Variants in SYT17 observed in about 807,000 individuals in gnomAD.
SYT17 encodes synaptotagmin-17.
In SYT17, 22 loss-of-function variants were observed where a neutral mutation model predicts 46.7. That is an observed-to-expected ratio of 0.47 (90% confidence interval 0.34 to 0.67). SYT17 has a LOEUF of 0.67. SYT17 is among the 30% of genes least tolerant of loss of function. The pLI, the probability that SYT17 is intolerant of heterozygous loss-of-function variation, is 0.01. For synonymous variants in SYT17, 251 were observed against 248.4 expected (o/e 1.01, Z -0.10); for missense variants, 519 against 612.8 (o/e 0.85, Z 1.62).
intron 5 of SYT17, among the ~76,000 whole-genome samples, chr16:19,190,326 G>A (rs759878470): frequency 5.9e-5 from 9 of 152,132 alleles, no homozygotes; most frequent in South Asian, 2.1e-4. Flanking sequence ...AGCTGATATC[G>A]TGCCATTGCA....
chr16:19,199,163 G>A (rs146188374), intron 5 of SYT17, among the ~76,000 whole-genome samples: 18 of 152,258 alleles, frequency 1.2e-4, no homozygotes, highest in South Asian at 8.3e-4. Flanking sequence ...GACTCTCATC[G>A]TAGTGTAATA....
At position 19,239,681 on chromosome 16, in the gene SYT17, C is replaced by T. The variant is rs532834319; in HGVS notation, c.1228+14843C>T. ...ACGCTATGACATAGTGTTACGAGAT[C>T]ATTGAGGGTGTTGCTTTTCTGGCCG... On this transcript the variant is annotated intron_variant, in intron 7 of 7. Coordinates refer to ENST00000355377, the MANE Select transcript of SYT17 (RefSeq NM_016524.4). Among the ~76,000 whole-genome samples, 21 of 152,290 alleles carry T rather than the reference C, an allele frequency of 1.4e-4. No individual in the cohort carries two copies. The East Asian group carries it at 4.0e-3, about 29-fold the overall frequency.
At chr16:19,172,463 C>G (rs1054039672) in intron 1 of SYT17, 5 of 1,452,290 alleles carry the variant, frequency 3.4e-6, no homozygotes, top group African/African-American at 1.4e-5. Flanking sequence ...TCTATCCGCC[C>G]GCTCTGATTC....
At position 19,187,103 on chromosome 16, in the gene SYT17, C is replaced by T. The variant is rs545288345; in HGVS notation, c.951+2956C>T. Among the ~76,000 whole-genome samples, 13 of 152,302 alleles carry T rather than the reference C, an allele frequency of 8.5e-5. No individual in the cohort carries two copies. The East Asian group carries it at 2.3e-3, about 27-fold the overall frequency. Reference sequence around the variant, plus strand: ...AGGCTGGAATGCAGTGGTGCAATCACAGCTCACTGCAGCCCCAAACTCCTG... The same window carrying T: ...AGGCTGGAATGCAGTGGTGCAATCATAGCTCACTGCAGCCCCAAACTCCTG... On this transcript the variant is annotated intron_variant, in intron 5 of 7. Coordinates refer to ENST00000355377, the MANE Select transcript of SYT17 (RefSeq NM_016524.4).
At chr16:19,198,296 A>G (rs1408427117) in intron 5 of SYT17, among the ~76,000 whole-genome samples, 1 of 152,194 alleles carries the variant, frequency 6.6e-6, no homozygotes, top group East Asian at 1.9e-4. Context: ...GTTGGCAGTC[A>G]GACTTAGTCG....
intron 3 of SYT17, among the ~76,000 whole-genome samples, chr16:19,176,519 T>C (rs757557905): frequency 5.3e-5 from 8 of 152,250 alleles, no homozygotes; most frequent in East Asian, 1.9e-4. Flanking sequence ...ACCATTGTTA[T>C]GCAGAAGCAG....
intron 7 of SYT17, among the ~76,000 whole-genome samples, chr16:19,238,292 A>T (rs551100085): frequency 1.3e-5 from 2 of 152,360 alleles, no homozygotes; most frequent in East Asian, 3.9e-4. Flanking sequence ...GGACAAAAGG[A>T]AATAATGTAT....
intron 5 of SYT17, among the ~76,000 whole-genome samples, chr16:19,222,454 G>A (rs1966355479): frequency 6.6e-6 from 1 of 152,176 alleles, no homozygotes. Context: ...GGATGTCACT[G>A]TGCCGAGTGT....
chr16:19,194,130 G>T (rs1238594459), intron 5 of SYT17, among the ~76,000 whole-genome samples: 4 of 152,136 alleles, frequency 2.6e-5, no homozygotes. Context: ...AGATGAATAA[G>T]AACATTGGCT....
intron 7 of SYT17, among the ~76,000 whole-genome samples, chr16:19,230,702 CAG>C (rs1966649946): frequency 6.6e-6 from 1 of 152,148 alleles, no homozygotes; most frequent in African/African-American, 2.4e-5. Context: ...AGTTAGGAAC[CAG>C]ACCTTTAGCT....
chr16:19,192,314 G>A (rs1405028266), intron 5 of SYT17, among the ~76,000 whole-genome samples: 2 of 152,062 alleles, frequency 1.3e-5, no homozygotes, highest in African/African-American at 2.4e-5. Flanking sequence ...CTGGCTACTC[G>A]GGAAGCTGAG....
chr16:19,180,625 T>C, intron 4 of SYT17, 86 bp downstream of exon 4: 1 of 1,540,218 alleles, frequency 6.5e-7, no homozygotes, highest in East Asian at 2.3e-5. Context: ...GGCAGTGTTA[T>C]TGCTGGGGGA....
intron 7 of SYT17, among the ~76,000 whole-genome samples, chr16:19,234,943 G>T (rs1490761471): frequency 1.3e-5 from 2 of 152,190 alleles, no homozygotes; most frequent in Non-Finnish European, 2.9e-5. Flanking sequence ...CCAGTGGTAT[G>T]ATGTCTGGGA....
At chr16:19,255,753 G>C (rs1351079891) in intron 7 of SYT17, among the ~76,000 whole-genome samples, 2 of 152,098 alleles carry the variant, frequency 1.3e-5, no homozygotes, top group Non-Finnish European at 2.9e-5. Flanking sequence ...CCACGCCACT[G>C]CACTCCACTG....
chr16:19,223,901 G>A lies in SYT17; in HGVS notation c.1072+736G>A, dbSNP rs1013531021. Among the ~76,000 whole-genome samples the A allele has an allele frequency of 1.2e-4, 19 of 152,292 alleles. No homozygotes were observed. In the East Asian group the frequency reaches 3.1e-3, roughly 25 times the overall value. On this transcript the variant is annotated intron_variant, in intron 6 of 7. Transcript: ENST00000355377. ...CTCACCACGATGGGAGAGTCAGTAT[G>A]ATAAAATCATTAAGGGTTTAGGAGT...
At chr16:19,202,531 T>C (rs1311439387) in intron 5 of SYT17, among the ~76,000 whole-genome samples, 2 of 152,236 alleles carry the variant, frequency 1.3e-5, no homozygotes, top group African/African-American at 4.8e-5. Flanking sequence ...TACCATTATA[T>C]GGGCAGGATG....
At chr16:19,216,834 A>G (rs1174607361) in intron 5 of SYT17, among the ~76,000 whole-genome samples, 1 of 152,202 alleles carries the variant, frequency 6.6e-6, no homozygotes, top group Non-Finnish European at 1.5e-5. Flanking sequence ...TATTGCCACA[A>G]TAAACATACA....
intron 5 of SYT17, among the ~76,000 whole-genome samples, chr16:19,210,649 A>G (rs1965863949): frequency 6.6e-6 from 1 of 152,194 alleles, no homozygotes; most frequent in Admixed American, 6.5e-5. Context: ...AAGTGAAAGC[A>G]TTTGATGAAA....
chr16:19,178,251 T>TC (rs1235917065), intron 3 of SYT17, among the ~76,000 whole-genome samples: 1 of 150,446 alleles, frequency 6.6e-6, no homozygotes, highest in Non-Finnish European at 1.5e-5. Context: ...CCCGGCTAAT[T>TC]TTTTGTATTT....
Sources: gnomAD v4.1 joint callset for allele counts (sites outside exome capture counted in the v4.1 genomes callset) on GRCh38, gnomAD v4.1.1 for gene constraint, MANE v1.5 for transcripts, NCBI Gene and HGNC (gene_info 2026-07-23, HGNC 2026-07-21) for gene names.